Variants in STK40 observed in about 807,000 individuals in gnomAD.
The protein encoded by STK40 is serine/threonine-protein kinase 40.
STK40 carries 13 observed loss-of-function variants against 47.9 expected under a neutral mutation model. That is an observed-to-expected ratio of 0.27 (90% CI 0.18 to 0.43). The LOEUF is 0.43. STK40 is among the 20% of genes least tolerant of loss of function. The pLI is 1.00. For synonymous variants in STK40, 225 were observed against 243.2 expected (o/e 0.93, Z 0.69); for missense variants, 460 against 595.1 (o/e 0.77, Z 2.36).
At chr1:36,357,108 CAG>C (rs1361645302) in intron 4 of STK40, among the ~76,000 whole-genome samples, 1 of 152,184 alleles carries the variant, frequency 6.6e-6, no homozygotes, top group Non-Finnish European at 1.5e-5. Context: ...ATGATGATGA[CAG>C]TGTTCCAGCA....
At chr1:36,369,173 G>A (rs967089040) in intron 1 of STK40, among the ~76,000 whole-genome samples, 1 of 152,136 alleles carries the variant, frequency 6.6e-6, no homozygotes, top group Non-Finnish European at 1.5e-5. Context: ...TTGGGGGGGC[G>A]GGGCCTCCAT....
intron 1 of STK40, among the ~76,000 whole-genome samples, chr1:36,365,367 C>T (rs1285244141): frequency 1.3e-5 from 2 of 152,214 alleles, no homozygotes; most frequent in African/African-American, 4.8e-5. Context: ...ATCCATTGCA[C>T]TGCAGGTCTA....
At chr1:36,350,862 G>A (rs772347355) in intron 6 of STK40, among the ~76,000 whole-genome samples, 129 of 152,314 alleles carry the variant, frequency 8.5e-4, no homozygotes, top group Non-Finnish European at 1.5e-3. Flanking sequence ...AGGGCTGAGC[G>A]GCAGGCGCAC....
At position 36,358,743 on chromosome 1, in the gene STK40, C is replaced by T; in HGVS notation, c.192G>A (p.Gln64=). The T allele has an allele frequency of 6.2e-7, 1 of 1,614,134 alleles. No homozygotes were observed. The highest frequency in any genetic ancestry group is 1.6e-4 in the Middle Eastern group (1 of 6,062). The part of the protein sequence containing the change: ...ARKDGTDDFY[Q]LKILTLEERG... The stretch of plus-strand genomic sequence containing the variant: ...ACCCCCATGTCTCACTTACCTTCAG[C>T]TGATAGAAGTCATCCGTGCCATCTT... Residue 64 remains glutamine, a synonymous_variant, in exon 3 of 11, where the codon CAG becomes CAA. Coordinates refer to ENST00000373132, the MANE Select transcript of STK40 (RefSeq NM_001282547.2).
In STK40 at chr1:36,341,135, G is replaced by T. The variant is rs1453604525; in HGVS notation, c.*620C>A. On this transcript the variant is annotated 3_prime_UTR_variant, in exon 11 of 11. Transcript: ENST00000373132. ...ATTCCTTGCTGTCCAGCCAGGCTGG[G>T]GGCAGGGAGTGGCCATGGACTGAGC... The T allele has an allele frequency of 6.5e-6, 1 of 153,166 alleles. No homozygotes were observed. The allele number at this position is 153,166 out of a possible 1,614,324, so 9.5% of individuals were successfully genotyped here. A position where few individuals can be genotyped will look rare whatever the true frequency, so the allele number is the denominator to read the frequency against.
At chr1:36,384,329 C>T (rs1370152135) in intron 1 of STK40, among the ~76,000 whole-genome samples, 2 of 152,218 alleles carry the variant, frequency 1.3e-5, no homozygotes, top group East Asian at 3.8e-4. Context: ...GGCGCCCAGC[C>T]ACTACTAGCT....
At chr1:36,368,237 T>C (rs151031991) in intron 1 of STK40, among the ~76,000 whole-genome samples, 128 of 152,146 alleles carry the variant, frequency 8.4e-4, no homozygotes, top group Non-Finnish European at 1.6e-3. Context: ...ACACACCTCC[T>C]AACATGATGC....
At chr1:36,350,886 C>T (rs1299689750) in intron 6 of STK40, among the ~76,000 whole-genome samples, 2 of 152,216 alleles carry the variant, frequency 1.3e-5, no homozygotes, top group East Asian at 1.9e-4. Flanking sequence ...AGTCTCTCCA[C>T]AGGAAGTGGC....
At chr1:36,364,465 T>C (rs1188825213) in intron 1 of STK40, among the ~76,000 whole-genome samples, 2 of 152,222 alleles carry the variant, frequency 1.3e-5, no homozygotes, top group Non-Finnish European at 2.9e-5. Context: ...TCCGTAATTC[T>C]TTCATTATTT....
chr1:36,361,159 A>G, intron 2 of STK40, 62 bp downstream of exon 2: 5 of 1,594,058 alleles, frequency 3.1e-6, no homozygotes, highest in Non-Finnish European at 2.6e-6. Flanking sequence ...AGATCATGCG[A>G]GCCAATGTGC....
intron 6 of STK40, among the ~76,000 whole-genome samples, chr1:36,353,443 C>A (rs932836907): frequency 2.0e-5 from 3 of 152,160 alleles, no homozygotes; most frequent in African/African-American, 7.2e-5. Flanking sequence ...GGGATGACAA[C>A]CTGAAACCAG....
rs565065417 is a variant in STK40, at chr1:36,384,272, C to T, written c.-9+1451G>A. On this transcript the variant is annotated intron_variant, in intron 1 of 10. Transcript: ENST00000373132. ...CTCGAACTCCTGACCTCAGGTGATC[C>T]GCCCGCCTCGGCTTCCCAAAGTGTT... Among the ~76,000 whole-genome samples, 18 of 152,206 alleles carry T rather than the reference C, an allele frequency of 1.2e-4. No individual in the cohort carries two copies. The South Asian group carries it at 2.1e-3, about 18-fold the overall frequency.
chr1:36,351,291 CCT>C (rs112160672), intron 6 of STK40, among the ~76,000 whole-genome samples: 2,182 of 152,266 alleles, frequency 0.014, 51 homozygotes, highest in African/African-American at 0.049. Flanking sequence ...AACACCTCCC[CCT>C]GTCTGCTCCT....
At chr1:36,374,418 G>A (rs1646974784) in intron 1 of STK40, among the ~76,000 whole-genome samples, 1 of 152,234 alleles carries the variant, frequency 6.6e-6, no homozygotes, top group South Asian at 2.1e-4. Context: ...AATACATGGA[G>A]TTAGAGACCG....
intron 1 of STK40, among the ~76,000 whole-genome samples, chr1:36,372,442 A>G (rs1017640927): frequency 1.3e-5 from 2 of 150,748 alleles, no homozygotes; most frequent in African/African-American, 2.5e-5. Context: ...AAAAAAAAAA[A>G]AAAAAAGAAA....
rs865774548 is a variant in STK40 at position 36,346,009 on chromosome 1, T to C, written c.740-1745A>G. Among the ~76,000 whole-genome samples, 216 of 122,024 alleles carry C rather than the reference T, an allele frequency of 1.8e-3. 5 individuals are homozygous for C. Among genetic ancestry groups the C allele is most frequent in the African/African-American group, 7.5e-3 (200 of 26,504 alleles). 80.1% of individuals were successfully genotyped at this position (122,024 alleles called of 152,430 possible). A position where few individuals can be genotyped will look rare whatever the true frequency, so the allele number is the denominator to read the frequency against. On this transcript the variant is annotated intron_variant, in intron 7 of 10. Coordinates refer to ENST00000373132, the MANE Select transcript of STK40 (RefSeq NM_001282547.2). ...TATATATATTTTTTTTTTTTTTTTT[T>C]CCTGAGACAGAGTCTTGCTCTGTTG...
rs367878651 is a variant in STK40 at position 36,343,972 on chromosome 1, G to A, written c.892C>T (p.Arg298Trp). The change falls in exon 9 of 11, where the codon CGG becomes TGG. Residue 298 changes from arginine (R) to tryptophan (W), a missense_variant. Arg to Trp is a moderately radical substitution (Grantham distance 101). Around this residue, in one of 3 missense-constraint regions of STK40, gnomAD observed 181 missense variants for 218.9 expected, o/e 0.83. Coordinates refer to ENST00000373132, the MANE Select transcript of STK40 (RefSeq NM_001282547.2). ...AAEYTIPEDG[R>W]VSENTVCLIR... ...AGACACACGGTGTTCTCAGAAACCC[G>A]TCCATCCCTGAGGCAGGGAGTTGGG... 43 of 1,602,862 alleles carry A rather than the reference G, an allele frequency of 2.7e-5. No homozygotes were observed. The highest frequency in any genetic ancestry group is 3.0e-5 in the Non-Finnish European group (35 of 1,171,984).
chr1:36,350,469 G>A (rs1646742363), intron 6 of STK40, among the ~76,000 whole-genome samples: 1 of 152,202 alleles, frequency 6.6e-6, no homozygotes, highest in African/African-American at 2.4e-5. Context: ...GGTGGGTTTG[G>A]GAGCCAGGTT....
rs1186641491 is a variant in STK40 at position 36,355,325 on chromosome 1, C to A, written c.451G>T (p.Asp151Tyr). ...LDCLCAHDFS[D>Y]KTADLINLQH... is the part of the protein sequence containing the mutation. ...AGGTTGATGAGGTCAGCGGTCTTAT[C>A]GCTGAAGTCATGAGCACAGAGGCAG... is the stretch of plus-strand genomic sequence containing the variant. Residue 151 changes from aspartate (D) to tyrosine (Y), a missense_variant, in exon 5 of 11, where the codon GAT (aspartate) becomes TAT (tyrosine). This residue lies in a region of STK40 where 277 missense variants were observed against 358.7 expected (regional missense o/e 0.77). Transcript: ENST00000373132. The A allele has an allele frequency of 6.2e-7, 1 of 1,614,184 alleles. No homozygotes were observed. The highest frequency in any genetic ancestry group is 1.1e-5 in the South Asian group (1 of 91,080).
Sources: gnomAD v4.1 joint callset for allele counts (sites outside exome capture counted in the v4.1 genomes callset) on GRCh38, gnomAD v4.1.1 for gene constraint, gnomAD v4.1.1 regional missense constraint, MANE v1.5 for transcripts, NCBI Gene and HGNC (gene_info 2026-07-23, HGNC 2026-07-21) for gene names.